ANKFN1: variants seen among roughly 807,000 people sequenced by gnomAD.
The protein encoded by ANKFN1 is ankyrin repeat and fibronectin type-III domain-containing protein 1.
ANKFN1 carries 74 observed loss-of-function variants against 108.7 expected under a neutral mutation model. The ratio of observed to expected loss-of-function variants is 0.68; its 90% CI spans 0.56 to 0.83. ANKFN1 has a LOEUF of 0.83. Among genes scored for constraint, ANKFN1 ranks in the 40% least tolerant of loss-of-function variants. ANKFN1 has a pLI of 0.00. For synonymous variants in ANKFN1, 547 were observed against 516.2 expected (o/e 1.06, Z -0.81); for missense variants, 1,505 against 1,382.3 (o/e 1.09, Z -1.41).
intron 3 of ANKFN1, among the ~76,000 whole-genome samples, chr17:56,243,850 A>G (rs896196713): frequency 2.6e-5 from 4 of 152,170 alleles, no homozygotes; most frequent in Non-Finnish European, 4.4e-5. Context: ...TGTTTCAAGA[A>G]TGTTAGGTTT....
intron 8 of ANKFN1, among the ~76,000 whole-genome samples, chr17:56,382,200 T>C (rs182660153): frequency 6.6e-6 from 1 of 152,314 alleles, no homozygotes; most frequent in Non-Finnish European, 1.5e-5. Context: ...AAAAGAATTT[T>C]CAAGCCAGAA....
intron 20 of ANKFN1, among the ~76,000 whole-genome samples, chr17:56,505,649 T>C (rs575977267): frequency 6.6e-6 from 1 of 152,144 alleles, no homozygotes; most frequent in South Asian, 2.1e-4. Flanking sequence ...TAATTTATAA[T>C]AAAACTTGGT....
chr17:56,395,933 C>G (rs568777393), intron 8 of ANKFN1, among the ~76,000 whole-genome samples: 8 of 152,236 alleles, frequency 5.3e-5, no homozygotes, highest in African/African-American at 1.9e-4. Context: ...CTCACTTTTG[C>G]ATCCCTCAAG....
intron 8 of ANKFN1, among the ~76,000 whole-genome samples, chr17:56,385,765 A>G (rs1031913538): frequency 6.6e-6 from 1 of 152,224 alleles, no homozygotes; most frequent in Non-Finnish European, 1.5e-5. Flanking sequence ...TCAAAACCAC[A>G]ATGAGATACC....
intron 3 of ANKFN1, among the ~76,000 whole-genome samples, chr17:56,237,857 G>A (rs1917273452): frequency 6.6e-6 from 1 of 151,796 alleles, no homozygotes; most frequent in African/African-American, 2.4e-5. Flanking sequence ...AATTCGTTCT[G>A]TTGTGATGTT....
chr17:56,469,512 C>T (rs1413864039), intron 15 of ANKFN1, among the ~76,000 whole-genome samples: 3 of 152,058 alleles, frequency 2.0e-5, no homozygotes, highest in African/African-American at 7.2e-5. Context: ...TCATTGGAAG[C>T]CTGGGCTTCT....
intron 14 of ANKFN1, among the ~76,000 whole-genome samples, chr17:56,463,021 G>T (rs1219142534): frequency 1.3e-5 from 2 of 152,160 alleles, no homozygotes; most frequent in South Asian, 2.1e-4. Context: ...TTATCACAGT[G>T]CATATCAAGC....
chr17:56,514,616 C>T lies in ANKFN1; in HGVS notation c.*3347C>T, dbSNP rs1387676330. 6.6e-6 allele frequency among the ~76,000 whole-genome samples: 1 copy of T among 152,166 alleles called. No homozygotes were observed. The highest frequency in any genetic ancestry group is 2.4e-5 in the African/African-American group (1 of 41,440). On this transcript the variant is annotated 3_prime_UTR_variant, in exon 21 of 21. Coordinates refer to ENST00000682825, the MANE Select transcript of ANKFN1 (RefSeq NM_001370326.1). ...GAATGAGTATTTTAAGAAGTAGGTACTTAAAGATGAGAGCCATTCCCTTTA... is the reference window on the plus strand; with the variant it reads ...GAATGAGTATTTTAAGAAGTAGGTATTTAAAGATGAGAGCCATTCCCTTTA...
chr17:56,374,989 A>G (rs879875465), intron 8 of ANKFN1, among the ~76,000 whole-genome samples: 13 of 152,222 alleles, frequency 8.5e-5, no homozygotes, highest in African/African-American at 2.7e-4. Flanking sequence ...TGCTCTATGC[A>G]TAGCACAGGG....
intron 8 of ANKFN1, among the ~76,000 whole-genome samples, chr17:56,410,435 T>G (rs904293805): frequency 4.6e-5 from 7 of 152,196 alleles, no homozygotes; most frequent in Admixed American, 1.3e-4. Flanking sequence ...TGCATATAGT[T>G]ATGGGGTATA....
At chr17:56,249,487 A>G (rs2043189176) in intron 3 of ANKFN1, among the ~76,000 whole-genome samples, 1 of 152,164 alleles carries the variant, frequency 6.6e-6, no homozygotes. Context: ...AATTCAAAGG[A>G]AATCTAATAA....
intron 4 of ANKFN1, among the ~76,000 whole-genome samples, chr17:56,081,363 A>AT (rs1905244027): frequency 1.6e-5 from 2 of 123,274 alleles, no homozygotes; most frequent in South Asian, 5.1e-4. Flanking sequence ...TATTATTTTT[A>AT]TTTTTTTGAG....
At chr17:56,082,025 A>G (rs1905251943) in intron 4 of ANKFN1, among the ~76,000 whole-genome samples, 1 of 151,984 alleles carries the variant, frequency 6.6e-6, no homozygotes, top group African/African-American at 2.4e-5. Flanking sequence ...GCTGCGACCA[A>G]TTATTATTTT....
chr17:56,179,561 G>C (rs1911491813), intron 1 of ANKFN1, among the ~76,000 whole-genome samples: 1 of 152,202 alleles, frequency 6.6e-6, no homozygotes, highest in African/African-American at 2.4e-5. Context: ...TGGCTTTTCT[G>C]CCCCTAGCTC....
intron 8 of ANKFN1, among the ~76,000 whole-genome samples, chr17:56,434,373 A>G (rs2048861564): frequency 1.1e-5 from 1 of 89,370 alleles, no homozygotes; most frequent in African/African-American, 3.4e-5. Flanking sequence ...AGGCTTTTCT[A>G]GTGTCAAAAA....
chr17:56,071,901 T>C (rs548471478), intron 4 of ANKFN1, among the ~76,000 whole-genome samples: 68 of 152,336 alleles, frequency 4.5e-4, no homozygotes, highest in African/African-American at 1.5e-3. Context: ...CCATTCACAG[T>C]GGTCCCTAGC....
chr17:56,299,551 T>A (rs1301621265), intron 3 of ANKFN1, among the ~76,000 whole-genome samples: 6 of 152,222 alleles, frequency 3.9e-5, no homozygotes, highest in Admixed American at 3.3e-4. Flanking sequence ...CCCAGGGGAC[T>A]CCCAAGGTTC....
At chr17:56,400,177 G>T (rs151053272) in intron 8 of ANKFN1, among the ~76,000 whole-genome samples, 2,280 of 152,006 alleles carry the variant, frequency 0.015, 41 homozygotes, top group East Asian at 0.075. Context: ...TTCCATAGTG[G>T]CTGTACTAGT....
chr17:56,351,689 C>T (rs1342292237), intron 5 of ANKFN1, among the ~76,000 whole-genome samples: 1 of 152,088 alleles, frequency 6.6e-6, no homozygotes, highest in Non-Finnish European at 1.5e-5. Flanking sequence ...TCCTCTGGAC[C>T]TTGTAGATGT....
Sources: gnomAD v4.1 joint callset for allele counts (sites outside exome capture counted in the v4.1 genomes callset) on GRCh38, gnomAD v4.1.1 for gene constraint, MANE v1.5 for transcripts, NCBI Gene and HGNC (gene_info 2026-07-23, HGNC 2026-07-21) for gene names.